CNBD2: variants seen among roughly 807,000 people sequenced by gnomAD.
The protein encoded by CNBD2 is cyclic nucleotide-binding domain-containing protein 2.
CNBD2 carries 64 observed loss-of-function variants against 63.7 expected under a neutral mutation model. That is an observed-to-expected ratio of 1.00 (90% CI 0.82 to 1.24). The LOEUF is 1.24. Among genes scored for constraint, CNBD2 ranks in the 50% most tolerant of loss-of-function variants. CNBD2 has a pLI of 0.00. For missense variants in CNBD2, 691 were observed against 713.5 expected (o/e 0.97, Z 0.36); for synonymous variants, 229 against 255.4 (o/e 0.90, Z 0.99).
chr20:35,977,485 C>T (rs893507210), intron 3 of CNBD2, among the ~76,000 whole-genome samples: 8 of 152,176 alleles, frequency 5.3e-5, no homozygotes, highest in Admixed American at 2.6e-4. Flanking sequence ...GTCTGAGCAA[C>T]ATGTGAGACC....
At chr20:35,986,658 TG>T (rs1437642043) in intron 6 of CNBD2, among the ~76,000 whole-genome samples, 1 of 152,218 alleles carries the variant, frequency 6.6e-6, no homozygotes, top group Non-Finnish European at 1.5e-5. Flanking sequence ...GTGCGCGCAT[TG>T]AGGCCTGAGT....
At chr20:35,961,046 C>T (rs1224825814) in intron 2 of CNBD2, among the ~76,000 whole-genome samples, 1 of 152,146 alleles carries the variant, frequency 6.6e-6, no homozygotes, top group African/African-American at 2.4e-5. Context: ...TCTCTTGCCT[C>T]AGCCTCTCGA....
upstream of CNBD2, among the ~76,000 whole-genome samples, chr20:35,964,709 C>CT (rs573739064): frequency 8.8e-5 from 13 of 147,020 alleles, no homozygotes; most frequent in East Asian, 1.2e-3. Context: ...CTTCATATAT[C>CT]TTTTTTTTTT....
intron 2 of CNBD2, 164 bp downstream of exon 2, chr20:35,972,930 T>A: frequency 1.5e-6 from 1 of 658,022 alleles, no homozygotes; most frequent in Non-Finnish European, 2.6e-6. Context: ...TTGGAGAGGG[T>A]GACTTACATC....
chr20:35,954,415 A>C (rs772723312), upstream of CNBD2: 7 of 1,552,446 alleles, frequency 4.5e-6, no homozygotes, highest in Admixed American at 5.9e-5. Flanking sequence ...AGGGAGTCGG[A>C]CTCGGGACCG....
At position 35,982,466 on chromosome 20, in the gene CNBD2, G is replaced by A. The variant is rs1025914554; in HGVS notation, c.408-1516G>A. Among the ~76,000 whole-genome samples the A allele has an allele frequency of 7.8e-4, 118 of 152,040 alleles. 1 individual carries two copies. Among genetic ancestry groups the A allele is most frequent in the Admixed American group, 1.3e-4 (2 of 15,264 alleles). Reference sequence around the variant, plus strand: ...GTACACGTTATCCCTTGAATGTGCCGTGCTTTGGGCCACCTCTGCACCTTT... The same window carrying A: ...GTACACGTTATCCCTTGAATGTGCCATGCTTTGGGCCACCTCTGCACCTTT... On this transcript the variant is annotated intron_variant, in intron 4 of 11. Transcript: ENST00000373973.
chr20:35,954,577 C>T (rs897158366), upstream of CNBD2: 8 of 1,444,372 alleles, frequency 5.5e-6, no homozygotes, highest in East Asian at 3.1e-5. Context: ...GTTCTCGAGT[C>T]GCATGAGGCG....
intron 8 of CNBD2, among the ~76,000 whole-genome samples, chr20:36,004,142 G>A (rs528507567): frequency 6.6e-6 from 1 of 152,292 alleles, no homozygotes; most frequent in African/African-American, 2.4e-5. Flanking sequence ...GCTGTATCCT[G>A]TTAGACGTGA....
intron 9 of CNBD2, among the ~76,000 whole-genome samples, chr20:36,010,825 G>T (rs1325483026): frequency 1.3e-5 from 2 of 152,110 alleles, no homozygotes; most frequent in Non-Finnish European, 2.9e-5. Flanking sequence ...GAGAGGGCCA[G>T]CCTGGACTTC....
intron 2 of CNBD2, among the ~76,000 whole-genome samples, chr20:35,962,257 CTTTT>C (rs917656604): frequency 7.6e-6 from 1 of 131,538 alleles, no homozygotes; most frequent in African/African-American, 2.8e-5. Context: ...TCCCTGCAGT[CTTTT>C]TTTTTTTTTT....
At chr20:36,020,770 C>G (rs1232992239) in intron 10 of CNBD2, among the ~76,000 whole-genome samples, 1 of 152,110 alleles carries the variant, frequency 6.6e-6, no homozygotes, top group Non-Finnish European at 1.5e-5. Flanking sequence ...ACTAGGAGGG[C>G]CTTTGTTCCC....
Position 35,995,035 on chromosome 20 carries a change from C to T in CNBD2, c.856-3C>T. 1 of 1,611,190 alleles carries T rather than the reference C, an allele frequency of 6.2e-7. No individual in the cohort carries two copies. ...CTTTTCCTATGTCCCTTGCTGTGTT[C>T]AGGGCAGCTGTGAAGTCCTGCGGCT... On this transcript the variant is annotated splice_polypyrimidine_tract_variant and splice_region_variant and intron_variant, in intron 7 of 11. Transcript: ENST00000373973.
At chr20:35,976,569 G>T (rs1468703115) in intron 3 of CNBD2, among the ~76,000 whole-genome samples, 1 of 152,156 alleles carries the variant, frequency 6.6e-6, no homozygotes, top group Non-Finnish European at 1.5e-5. Context: ...CAGTCTGGGT[G>T]ATAGAGCGAG....
At chr20:36,000,878 G>C (rs1430215676) in intron 8 of CNBD2, among the ~76,000 whole-genome samples, 2 of 151,364 alleles carry the variant, frequency 1.3e-5, no homozygotes, top group Non-Finnish European at 2.9e-5. Flanking sequence ...GGTTTTCCTA[G>C]GCAGAGGACC....
chr20:35,973,100 A>G, intron 2 of CNBD2: 1 of 452,858 alleles, frequency 2.2e-6, no homozygotes, highest in South Asian at 5.6e-5. Flanking sequence ...GCTGAGAGGG[A>G]AGGAGACAAT....
chr20:35,961,090 C>T (rs572696281), intron 2 of CNBD2, among the ~76,000 whole-genome samples: 90 of 152,150 alleles, frequency 5.9e-4, no homozygotes, highest in Admixed American at 9.8e-4. Context: ...CCACCACACC[C>T]GGTTAATTTT....
chr20:35,995,024 C>G lies in CNBD2; in HGVS notation c.856-14C>G. On this transcript the variant is annotated splice_polypyrimidine_tract_variant and intron_variant, in intron 7 of 11. Transcript: ENST00000373973. The stretch of plus-strand genomic sequence containing the variant: ...AGGGGTTAACCCTTTTCCTATGTCC[C>G]TTGCTGTGTTCAGGGCAGCTGTGAA... 3.8e-6 allele frequency: 6 copies of G among 1,599,936 alleles called. No homozygotes were observed. The highest frequency in any genetic ancestry group is 4.3e-6 in the Non-Finnish European group (5 of 1,167,100).
At position 36,025,538 on chromosome 20, in the gene CNBD2, G is replaced by A. The variant is rs183292392; in HGVS notation, c.1439+1767G>A. 1.1e-4 allele frequency among the ~76,000 whole-genome samples: 17 copies of A among 152,114 alleles called. No individual in the cohort carries two copies. In the East Asian group the frequency reaches 1.7e-3, roughly 16 times the overall value. On this transcript the variant is annotated intron_variant, in intron 11 of 11. Coordinates refer to ENST00000373973, the MANE Select transcript of CNBD2 (RefSeq NM_001365709.1). ...TTTGTAGAGATGGGGGTCTCATTAC[G>A]TTGCCCAAGCTGGTCTTGAACCAGT... is the stretch of plus-strand genomic sequence containing the variant.
At chr20:35,961,263 T>G (rs1316235709) in intron 2 of CNBD2, among the ~76,000 whole-genome samples, 3 of 152,124 alleles carry the variant, frequency 2.0e-5, no homozygotes, top group Non-Finnish European at 4.4e-5. Flanking sequence ...CATTCCCAAC[T>G]CCTTCATTTG....
Sources: allele counts gnomAD v4.1 joint callset (sites outside exome capture counted in the v4.1 genomes callset), GRCh38; gene constraint gnomAD v4.1.1; transcripts MANE v1.5; gene names NCBI Gene and HGNC (gene_info 2026-07-23, HGNC 2026-07-21).